The following KCNJ2 variants were observed in gnomAD, a reference collection of about 807,000 sequenced individuals.
KCNJ2 encodes potassium inwardly rectifying channel subfamily J member 2.
In KCNJ2, 12 loss-of-function variants were observed where a neutral mutation model predicts 28.4. The ratio of observed to expected loss-of-function variants is 0.42; its 90% CI spans 0.27 to 0.68. KCNJ2 has a LOEUF of 0.68. Among genes scored for constraint, KCNJ2 ranks in the 30% least tolerant of loss-of-function variants. The pLI is 0.23. For synonymous variants in KCNJ2, 200 were observed against 203.2 expected (o/e 0.98, Z 0.13); for missense variants, 320 against 551.3 (o/e 0.58, Z 4.20).
At position 70,177,883 on chromosome 17, in the gene KCNJ2, G is replaced by A. The variant is rs1163497915; in HGVS notation, c.*1560G>A. The A allele has an allele frequency of 6.0e-6, 1 of 167,060 alleles. No individual in the cohort carries two copies. Among genetic ancestry groups the A allele is most frequent in the East Asian group, 1.9e-4 (1 of 5,202 alleles). The allele number at this position is 167,060 out of a possible 1,614,324, so 10.3% of individuals were successfully genotyped here. On this transcript the variant is annotated 3_prime_UTR_variant, in exon 2 of 2. Coordinates refer to ENST00000243457, the MANE Select transcript of KCNJ2 (RefSeq NM_000891.3). ...TCTGTGTGCATACTTATGACTGAAT[G>A]TGAGCTAAGCATTTTCTCCTGTGGA...
Position 70,175,277 on chromosome 17 carries a change from C to A in KCNJ2, c.238C>A (p.Arg80Ser). 6.2e-7 allele frequency: 1 copy of A among 1,614,220 alleles called. No individual in the cohort carries two copies. Among genetic ancestry groups the A allele is most frequent in the Non-Finnish European group, 8.5e-7 (1 of 1,180,044 alleles). The change falls in exon 2 of 2, where the codon CGC (arginine) becomes AGC (serine). Residue 80 changes from arginine (R) to serine (S), a missense_variant. Around this residue, in one of 3 missense-constraint regions of KCNJ2, gnomAD observed 111 missense variants for 256.7 expected, o/e 0.43. Coordinates refer to ENST00000243457, the MANE Select transcript of KCNJ2 (RefSeq NM_000891.3). The surrounding 1 kb of genome is among the most constrained non-coding windows in gnomAD (Gnocchi z 8.3). ...ADIFTTCVDI[R>S]WRWMLVIFCL... ...CATCTTCACCACGTGTGTGGACATT[C>A]GCTGGCGGTGGATGCTGGTTATCTT... is the stretch of plus-strand genomic sequence containing the variant.
rs564550305 is a variant in KCNJ2, at chr17:70,179,107, C to G, written c.*2784C>G. The G allele has an allele frequency of 1.8e-5, 2 of 114,090 alleles. No homozygotes were observed. The highest frequency in any genetic ancestry group is 3.5e-5 in the Non-Finnish European group (2 of 57,228). The allele number at this position is 114,090 out of a possible 1,614,324, so 7.1% of individuals were successfully genotyped here. A position where few individuals can be genotyped will look rare whatever the true frequency, so the allele number is the denominator to read the frequency against. ...TTTTTTTTTTTTTTTTTGTCAAGAG[C>G]CAAGACACAGGTAATGCACGACATT... On this transcript the variant is annotated 3_prime_UTR_variant, in exon 2 of 2. Transcript: ENST00000243457.
intron 1 of KCNJ2, among the ~76,000 whole-genome samples, chr17:70,172,734 A>G (rs1389161741): frequency 6.6e-6 from 1 of 152,242 alleles, no homozygotes; most frequent in Non-Finnish European, 1.5e-5. Context: ...AGCTTATAAT[A>G]CAAAGTTCTG....
Position 70,175,840 on chromosome 17 carries a change from C to A in KCNJ2, c.801C>A (p.Ile267=). The change falls in exon 2 of 2, where the codon ATC becomes ATA. Residue 267 remains isoleucine, a synonymous_variant. Coordinates refer to ENST00000243457, the MANE Select transcript of KCNJ2 (RefSeq NM_000891.3). The surrounding 1 kb of genome is among the most constrained non-coding windows in gnomAD (Gnocchi z 8.3). The part of the protein sequence containing the change: ...GIDRIFLVSP[I]TIVHEIDEDS... Reference sequence around the variant, plus strand: ...ATCGTATATTTCTGGTGTCCCCAATCACTATAGTCCATGAAATAGATGAAG... The same window carrying A: ...ATCGTATATTTCTGGTGTCCCCAATAACTATAGTCCATGAAATAGATGAAG... 6.2e-7 allele frequency: 1 copy of A among 1,614,146 alleles called. No homozygotes were observed. Among genetic ancestry groups the A allele is most frequent in the South Asian group, 1.1e-5 (1 of 91,086 alleles).
Position 70,174,829 on chromosome 17 carries a change from G to A in KCNJ2, c.-211G>A. On this transcript the variant is annotated 5_prime_UTR_variant, in exon 2 of 2. The change abolishes an upstream ATG in the 5' untranslated region. Transcript: ENST00000243457. Reference sequence around the variant, plus strand: ...CAGTCTCTCTTTTCTTGCAGGACATGTTCTCTGGATGTCAGCTGAGTCATT... The same window carrying A: ...CAGTCTCTCTTTTCTTGCAGGACATATTCTCTGGATGTCAGCTGAGTCATT... 2 of 620,094 alleles carry A rather than the reference G, an allele frequency of 3.2e-6. No individual in the cohort carries two copies. Among genetic ancestry groups the A allele is most frequent in the Non-Finnish European group, 2.9e-6 (1 of 346,522 alleles). The allele number at this position is 620,094 out of a possible 1,614,324, so 38.4% of individuals were successfully genotyped here.
chr17:70,175,548 T>G lies in KCNJ2; in HGVS notation c.509T>G (p.Ile170Ser). ...MVVFQSIVGC[I>S]IDAFIIGAVM... ...GTGTTCCAGTCAATCGTGGGCTGCA[T>G]CATCGATGCTTTCATCATTGGCGCA... is the stretch of plus-strand genomic sequence containing the variant. Residue 170 changes from isoleucine (I) to serine (S), a missense_variant, in exon 2 of 2, where the codon ATC becomes AGC. This residue lies in a region of KCNJ2 where 111 missense variants were observed against 256.7 expected (regional missense o/e 0.43). Coordinates refer to ENST00000243457, the MANE Select transcript of KCNJ2 (RefSeq NM_000891.3). The surrounding 1 kb of genome is among the most constrained non-coding windows in gnomAD (Gnocchi z 8.3). 1.2e-6 allele frequency: 2 copies of G among 1,614,174 alleles called. No homozygotes were observed. Among genetic ancestry groups the G allele is most frequent in the Non-Finnish European group, 1.7e-6 (2 of 1,180,030 alleles).
chr17:70,174,276 C>T (rs1174196259), intron 1 of KCNJ2, among the ~76,000 whole-genome samples: 1 of 152,176 alleles, frequency 6.6e-6, no homozygotes, highest in Non-Finnish European at 1.5e-5. Flanking sequence ...CCGGTCTGCT[C>T]AGTTATATCA....
chr17:70,175,834 C>T lies in KCNJ2; in HGVS notation c.795C>T (p.Ser265=), dbSNP rs1381202025. 2 of 1,614,092 alleles carry T rather than the reference C, an allele frequency of 1.2e-6. No homozygotes were observed. Among genetic ancestry groups the T allele is most frequent in the Non-Finnish European group, 8.5e-7 (1 of 1,180,004 alleles). Residue 265 remains serine (S), a synonymous_variant, in exon 2 of 2, where the codon TCC becomes TCT. Transcript: ENST00000243457. This position sits in a 1 kb window ranked among gnomAD's most constrained non-coding sequence, Gnocchi z 8.3. The stretch of plus-strand genomic sequence containing the variant: ...GAATCGATCGTATATTTCTGGTGTC[C>T]CCAATCACTATAGTCCATGAAATAG... ...DSGIDRIFLV[S]PITIVHEIDE...
At chr17:70,173,708 A>G (rs1383019880) in intron 1 of KCNJ2, among the ~76,000 whole-genome samples, 1 of 152,240 alleles carries the variant, frequency 6.6e-6, no homozygotes, top group Non-Finnish European at 1.5e-5. Flanking sequence ...ACCAAATAAC[A>G]GCGCTGGAAG....
Position 70,176,645 on chromosome 17 carries a change from T to G in KCNJ2, c.*322T>G. 2.5e-6 allele frequency: 1 copy of G among 394,930 alleles called. No homozygotes were observed. The highest frequency in any genetic ancestry group is 4.9e-6 in the Non-Finnish European group (1 of 203,644). 24.5% of individuals were successfully genotyped at this position (394,930 alleles called of 1,614,324 possible). A position where few individuals can be genotyped will look rare whatever the true frequency, so the allele number is the denominator to read the frequency against. On this transcript the variant is annotated 3_prime_UTR_variant, in exon 2 of 2. Transcript: ENST00000243457. Reference sequence around the variant, plus strand: ...ATTTGATTTATCCAGAATGCTTCTCTTTAGGGAACAAGGATGTTTTTAATG... The same window carrying G: ...ATTTGATTTATCCAGAATGCTTCTCGTTAGGGAACAAGGATGTTTTTAATG...
At position 70,175,911 on chromosome 17, in the gene KCNJ2, A is replaced by C; in HGVS notation, c.872A>C (p.Asp291Ala). ...DLSKQDIDNA[D>A]FEIVVILEGM... ...AGTAAACAGGACATTGACAACGCAGACTTTGAAATCGTGGTCATACTGGAA... is the reference window on the plus strand; with the variant it reads ...AGTAAACAGGACATTGACAACGCAGCCTTTGAAATCGTGGTCATACTGGAA... Residue 291 changes from aspartate (D) to alanine (A), a missense_variant, in exon 2 of 2, where the codon GAC (aspartate) becomes GCC (alanine). Asp to Ala is a moderately radical substitution (Grantham distance 126). Transcript: ENST00000243457. The surrounding 1 kb of genome is among the most constrained non-coding windows in gnomAD (Gnocchi z 8.3). 6.2e-7 allele frequency: 1 copy of C among 1,614,130 alleles called. No homozygotes were observed. The highest frequency in any genetic ancestry group is 8.5e-7 in the Non-Finnish European group (1 of 1,180,028).
In KCNJ2 at chr17:70,175,108, C is replaced by T; in HGVS notation, c.69C>T (p.Thr23=). 2 of 1,614,196 alleles carry T rather than the reference C, an allele frequency of 1.2e-6. No individual in the cohort carries two copies. Among genetic ancestry groups the T allele is most frequent in the Non-Finnish European group, 1.7e-6 (2 of 1,180,046 alleles). The part of the protein sequence containing the change: ...SSEEDGMKLA[T]MAVANGFGNG... ...AAGAAGACGGTATGAAGTTGGCCAC[C>T]ATGGCAGTTGCAAATGGCTTTGGGA... The change falls in exon 2 of 2, where the codon ACC becomes ACT. Residue 23 remains threonine, a synonymous_variant. Transcript: ENST00000243457. The surrounding 1 kb of genome is among the most constrained non-coding windows in gnomAD (Gnocchi z 8.3).
intron 1 of KCNJ2, among the ~76,000 whole-genome samples, chr17:70,173,951 C>T (rs961748207): frequency 6.6e-6 from 1 of 152,210 alleles, no homozygotes; most frequent in Non-Finnish European, 1.5e-5. Flanking sequence ...CTCTATCCCC[C>T]AGAGCAAACC....
rs1320580224 is a variant in KCNJ2 at position 70,176,166 on chromosome 17, A to G, written c.1127A>G (p.Tyr376Cys). 2 of 1,614,068 alleles carry G rather than the reference A, an allele frequency of 1.2e-6. No individual in the cohort carries two copies. Among genetic ancestry groups the G allele is most frequent in the Non-Finnish European group, 8.5e-7 (1 of 1,180,028 alleles). ...YILSNANSFC[Y>C]ENEVALTSKE... ...CTCTCAAATGCAAATTCATTTTGCT[A>G]TGAAAATGAAGTTGCCCTCACAAGC... is the stretch of plus-strand genomic sequence containing the variant. Residue 376 changes from tyrosine to cysteine, a missense_variant, in exon 2 of 2, where the codon TAT (tyrosine) becomes TGT (cysteine). Tyr to Cys is a radical substitution (Grantham distance 194). Transcript: ENST00000243457.
At chr17:70,172,243 G>T (rs1343552017) in intron 1 of KCNJ2, among the ~76,000 whole-genome samples, 1 of 139,748 alleles carries the variant, frequency 7.2e-6, no homozygotes, top group African/African-American at 2.7e-5. Flanking sequence ...ATATGTGTGT[G>T]CACCTGCATA....
rs1329186033 is a variant in KCNJ2, at chr17:70,169,646, TGC to T, written c.-271_-270del. 1 of 152,544 alleles carries T rather than the reference TGC, an allele frequency of 6.6e-6. No homozygotes were observed. The highest frequency in any genetic ancestry group is 1.5e-5 in the Non-Finnish European group (1 of 68,300). The allele number at this position is 152,544 out of a possible 1,614,324, so 9.4% of individuals were successfully genotyped here. ...TTTTTACAAACCACTGGATCTTACATGCCTCTGTACCCCCCACTTCCACTCCA... is the reference window on the plus strand; with the variant it reads ...TTTTTACAAACCACTGGATCTTACATCTCTGTACCCCCCACTTCCACTCCA... On this transcript the variant is annotated 5_prime_UTR_variant, in exon 1 of 2. An upstream start codon of the reference 5' UTR is lost. Coordinates refer to ENST00000243457, the MANE Select transcript of KCNJ2 (RefSeq NM_000891.3).
chr17:70,175,759 G>A lies in KCNJ2; in HGVS notation c.720G>A (p.Gly240=), dbSNP rs1303229404. 4 of 1,614,194 alleles carry A rather than the reference G, an allele frequency of 2.5e-6. No homozygotes were observed. The highest frequency in any genetic ancestry group is 3.4e-6 in the Non-Finnish European group (4 of 1,180,026). ...QLLKSRITSE[G]EYIPLDQIDI... is the part of the protein sequence containing the mutation. ...TCAAATCCAGAATTACTTCTGAAGG[G>A]GAGTATATCCCTCTGGATCAAATAG... Residue 240 remains glycine, a synonymous_variant, in exon 2 of 2, where the codon GGG becomes GGA. Transcript: ENST00000243457. The surrounding 1 kb of genome is among the most constrained non-coding windows in gnomAD (Gnocchi z 8.3).
In KCNJ2 at chr17:70,173,737, C is replaced by T. The variant is rs182193138; in HGVS notation, c.-216-1087C>T. On this transcript the variant is annotated intron_variant, in intron 1 of 1. Transcript: ENST00000243457. ...CTGGAAGTGAAAGTAAGCGGACTGG[C>T]ATTTATGATCTGTCCTTACACAGTT... is the stretch of plus-strand genomic sequence containing the variant. Among the ~76,000 whole-genome samples, 3 of 152,300 alleles carry T rather than the reference C, an allele frequency of 2.0e-5. No individual in the cohort carries two copies. The East Asian group carries it at 5.8e-4, about 29-fold the overall frequency.
rs142308786 is a variant in KCNJ2, at chr17:70,171,021, G to A, written c.-217+1320G>A. Among the ~76,000 whole-genome samples, 1,085 of 152,364 alleles carry A rather than the reference G, an allele frequency of 7.1e-3. 8 individuals are homozygous for A. The highest frequency in any genetic ancestry group is 0.011 in the Admixed American group (170 of 15,302). On this transcript the variant is annotated intron_variant, in intron 1 of 1. Coordinates refer to ENST00000243457, the MANE Select transcript of KCNJ2 (RefSeq NM_000891.3). ...TCTACATCCTTTGGATTCCTGAGTT[G>A]TAGAATCTCTGGTTAGCTGTAGCGT...
Sources: allele counts gnomAD v4.1 joint callset (sites outside exome capture counted in the v4.1 genomes callset), GRCh38; gene constraint gnomAD v4.1.1; regional missense constraint gnomAD v4.1.1; non-coding constraint Gnocchi (gnomAD v3.1); transcripts MANE v1.5; gene names NCBI Gene and HGNC (gene_info 2026-07-23, HGNC 2026-07-21).